Variants in SPNS2 observed in about 807,000 individuals in gnomAD.
SPNS2 encodes sphingosine-1-phosphate transporter SPNS2.
SPNS2 carries 37 observed loss-of-function variants against 57.6 expected under a neutral mutation model. The ratio of observed to expected loss-of-function variants is 0.64; its 90% CI spans 0.49 to 0.85. The LOEUF (loss-of-function observed/expected upper bound fraction) is 0.85. SPNS2 is among the 40% of genes least tolerant of loss of function. The pLI is 0.00. For synonymous variants in SPNS2, 440 were observed against 346.9 expected (o/e 1.27, Z -2.98); for missense variants, 831 against 779.1 (o/e 1.07, Z -0.79).
At chr17:4,509,412 C>G (rs1904771032) in intron 1 of SPNS2, among the ~76,000 whole-genome samples, 1 of 152,184 alleles carries the variant, frequency 6.6e-6, no homozygotes, top group Admixed American at 6.5e-5. Context: ...TGCACTTTAG[C>G]CTGGGTCAGA....
chr17:4,505,616 G>T (rs1172426500), intron 1 of SPNS2, among the ~76,000 whole-genome samples: 10 of 152,260 alleles, frequency 6.6e-5, no homozygotes, highest in Admixed American at 2.0e-4. Context: ...CTCTTCTGCA[G>T]ATAGGGCTGG....
chr17:4,538,986 A>T lies in SPNS2; in HGVS notation c.*1538A>T. On this transcript the variant is annotated 3_prime_UTR_variant, in exon 13 of 13. Coordinates refer to ENST00000329078, the MANE Select transcript of SPNS2 (RefSeq NM_001124758.3). The stretch of plus-strand genomic sequence containing the variant: ...TGTGAATCTCAGAGTCTTAAGAGAG[A>T]AGCCAAATATATTCCTCTTGTAAAT... 1.2e-6 allele frequency: 1 copy of T among 801,578 alleles called. No individual in the cohort carries two copies. The highest frequency in any genetic ancestry group is 2.3e-6 in the Non-Finnish European group (1 of 436,934). 49.7% of individuals were successfully genotyped at this position (801,578 alleles called of 1,614,324 possible). A position where few individuals can be genotyped will look rare whatever the true frequency, so the allele number is the denominator to read the frequency against.
At chr17:4,532,188 C>G (rs1016927441) in intron 5 of SPNS2, among the ~76,000 whole-genome samples, 3 of 152,036 alleles carry the variant, frequency 2.0e-5, no homozygotes, top group Non-Finnish European at 4.4e-5. Context: ...CCGTCCATCC[C>G]TCCATCTATC....
chr17:4,531,008 CAGCCCCTGTCTCT>C, intron 4 of SPNS2, 32 bp from the exon 5 acceptor site: 3 of 1,606,702 alleles, frequency 1.9e-6, no homozygotes, highest in Non-Finnish European at 1.7e-6. Context: ...TCCCTGTCCC[CAGCCCCTGTCTCT>C]GCTCAGCCTG....
chr17:4,513,085 AGGGAAGCCTG>A (rs1248031087), intron 1 of SPNS2, among the ~76,000 whole-genome samples, 152 bp from the exon 2 acceptor site: 5 of 152,182 alleles, frequency 3.3e-5, no homozygotes, highest in Admixed American at 3.3e-4. Flanking sequence ...GGGAGGCAGG[AGGGAAGCCTG>A]GGAAACCTGG....
chr17:4,519,971 G>A (rs1456910087), intron 2 of SPNS2, among the ~76,000 whole-genome samples: 2 of 152,170 alleles, frequency 1.3e-5, no homozygotes, highest in East Asian at 1.9e-4. Context: ...CCTCCCTCCT[G>A]TCTGTCCTGA....
Position 4,498,991 on chromosome 17 carries a change from G to A in SPNS2, c.-57G>A, listed in dbSNP as rs1904358159. Reference sequence around the variant, plus strand: ...TCCGCGGCGCACGCACGCGCTGAGCGGGCCCAGCCTGGGCCCCGCGCCCCC... The same window carrying A: ...TCCGCGGCGCACGCACGCGCTGAGCAGGCCCAGCCTGGGCCCCGCGCCCCC... On this transcript the variant is annotated 5_prime_UTR_variant, in exon 1 of 13. Transcript: ENST00000329078. 1 of 970,842 alleles carries A rather than the reference G, an allele frequency of 1.0e-6. No individual in the cohort carries two copies. Among genetic ancestry groups the A allele is most frequent in the African/African-American group, 1.8e-5 (1 of 56,650 alleles). The allele number at this position is 970,842 out of a possible 1,614,324, so 60.1% of individuals were successfully genotyped here.
intron 12 of SPNS2, 56 bp from the exon 13 acceptor site, chr17:4,537,397 A>AGCC: frequency 2.5e-6 from 1 of 400,802 alleles, no homozygotes; most frequent in South Asian, 1.8e-5. Context: ...GAGGGAGGGC[A>AGCC]GCCTTGGCAC....
intron 10 of SPNS2, 21 bp from the exon 11 acceptor site, chr17:4,536,242 T>C (rs746963548): frequency 1.2e-6 from 2 of 1,609,982 alleles, no homozygotes; most frequent in Admixed American, 1.7e-5. Context: ...TGCCCTGACA[T>C]CCACCCCCAA....
chr17:4,525,326 T>C, intron 3 of SPNS2, 133 bp downstream of exon 3: 3 of 1,289,374 alleles, frequency 2.3e-6, no homozygotes, highest in Non-Finnish European at 3.2e-6. Context: ...GTCTTCCCAG[T>C]GCAGAAGGAC....
At chr17:4,515,392 GGCCTCT>G (rs1356268199) in intron 2 of SPNS2, among the ~76,000 whole-genome samples, 1 of 152,192 alleles carries the variant, frequency 6.6e-6, no homozygotes, top group Non-Finnish European at 1.5e-5. Context: ...TAGGGACCTG[GGCCTCT>G]GCCTCTGCTG....
chr17:4,534,810 G>T (rs1182839138), intron 9 of SPNS2, among the ~76,000 whole-genome samples: 1 of 152,116 alleles, frequency 6.6e-6, no homozygotes, highest in Non-Finnish European at 1.5e-5. Flanking sequence ...CAGGCCCAGA[G>T]TGAAGGGAGG....
chr17:4,530,354 G>A (rs770103922), intron 3 of SPNS2, among the ~76,000 whole-genome samples: 7 of 152,186 alleles, frequency 4.6e-5, no homozygotes, highest in Non-Finnish European at 7.4e-5. Flanking sequence ...AGGACAGAGG[G>A]GGCCTACCTG....
At chr17:4,530,882 G>T in intron 4 of SPNS2, 99 bp downstream of exon 4, 2 of 1,506,060 alleles carry the variant, frequency 1.3e-6, no homozygotes, top group Non-Finnish European at 9.0e-7. Flanking sequence ...CCAGGCAGGC[G>T]TCCTCAGAGA....
intron 5 of SPNS2, among the ~76,000 whole-genome samples, chr17:4,531,928 G>C (rs1047826376): frequency 6.6e-6 from 1 of 152,150 alleles, no homozygotes; most frequent in Non-Finnish European, 1.5e-5. Context: ...GCCTGCATCG[G>C]GCCCCCACCA....
rs141498617 is a variant in SPNS2 at position 4,510,283 on chromosome 17, G to T, written c.371-2964G>T. Among the ~76,000 whole-genome samples, 92 of 152,336 alleles carry T rather than the reference G, an allele frequency of 6.0e-4. No individual in the cohort carries two copies. The highest frequency in any genetic ancestry group is 1.9e-3 in the African/African-American group (81 of 41,570). ...CTTGGACTTGGACCCAAGACTGGGC[G>T]CTGGGGAGTGGTGGGACGGGAGCAG... On this transcript the variant is annotated intron_variant, in intron 1 of 12. Transcript: ENST00000329078. This position sits in a 1 kb window ranked among gnomAD's most constrained non-coding sequence, Gnocchi z 4.4.
At chr17:4,503,494 C>A (rs1382480284) in intron 1 of SPNS2, among the ~76,000 whole-genome samples, 1 of 152,198 alleles carries the variant, frequency 6.6e-6, no homozygotes, top group East Asian at 1.9e-4. Context: ...GGTGCCAGAG[C>A]CACCTCTGCC....
chr17:4,506,409 G>C (rs1904679785), intron 1 of SPNS2, among the ~76,000 whole-genome samples: 1 of 152,178 alleles, frequency 6.6e-6, no homozygotes, highest in South Asian at 2.1e-4. Flanking sequence ...ATAAGGCTGT[G>C]GCCACCTTAT....
At chr17:4,534,642 C>G (rs74599522) in intron 9 of SPNS2, among the ~76,000 whole-genome samples, 8,868 of 152,196 alleles carry the variant, frequency 0.058, 385 homozygotes, top group African/African-American at 0.12. Context: ...GGAAGCCTGC[C>G]TTACCCCACC....
Sources: allele counts gnomAD v4.1 joint callset (sites outside exome capture counted in the v4.1 genomes callset), GRCh38; gene constraint gnomAD v4.1.1; non-coding constraint Gnocchi (gnomAD v3.1); transcripts MANE v1.5; gene names NCBI Gene and HGNC (gene_info 2026-07-23, HGNC 2026-07-21).